POLN: variants seen among roughly 807,000 people sequenced by gnomAD.
The protein encoded by POLN is DNA polymerase N.
POLN carries 108 observed loss-of-function variants against 113.5 expected under a neutral mutation model. The observed-to-expected ratio is 0.95, with a 90% CI of 0.81 to 1.12. The LOEUF (loss-of-function observed/expected upper bound fraction) is 1.12. Among genes scored for constraint, POLN ranks in the 50% most tolerant of loss-of-function variants. The pLI is 0.00. For synonymous variants in POLN, 386 were observed against 391.5 expected, an observed-to-expected ratio of 0.99 and a Z score of 0.17; for missense variants, 1,097 against 1,077.1, an observed-to-expected ratio of 1.02 and a Z score of -0.26.
intron 3 of POLN, among the ~76,000 whole-genome samples, chr4:2,218,048 G>A (rs979412159): frequency 6.6e-5 from 10 of 152,072 alleles, no homozygotes; most frequent in Non-Finnish European, 1.0e-4. Context: ...CCAGCTACTC[G>A]GGAGACTGAA....
chr4:2,154,448 T>C (rs1732374349), intron 16 of POLN, among the ~76,000 whole-genome samples: 1 of 152,074 alleles, frequency 6.6e-6, no homozygotes, highest in Non-Finnish European at 1.5e-5. Context: ...CCTCAACAAA[T>C]ATTTAAAGAA....
intron 20 of POLN, among the ~76,000 whole-genome samples, chr4:2,092,047 C>G (rs2108697315): frequency 6.6e-6 from 1 of 152,322 alleles, no homozygotes; most frequent in Admixed American, 6.5e-5. Context: ...TCTGGGCCAG[C>G]TCCTGGACTC....
intron 13 of POLN, among the ~76,000 whole-genome samples, chr4:2,168,639 A>C (rs1443512464): frequency 6.6e-6 from 1 of 152,246 alleles, no homozygotes; most frequent in Non-Finnish European, 1.5e-5. Context: ...GAAGGGCAAC[A>C]GTGCCAGCTG....
chr4:2,215,253 C>T (rs1321552615), intron 3 of POLN, among the ~76,000 whole-genome samples: 3 of 152,138 alleles, frequency 2.0e-5, no homozygotes, highest in Non-Finnish European at 2.9e-5. Flanking sequence ...GGGAAAATGA[C>T]TCCAGCTATA....
chr4:2,094,269 G>T (rs1268003053), intron 20 of POLN, among the ~76,000 whole-genome samples: 1 of 149,556 alleles, frequency 6.7e-6, no homozygotes, highest in East Asian at 2.0e-4. Flanking sequence ...CTTGAGCCCA[G>T]GAGTTGGAGG....
At chr4:2,156,572 G>GC (rs1732438951) in intron 16 of POLN, 4 of 639,966 alleles carry the variant, frequency 6.3e-6, no homozygotes, top group African/African-American at 1.8e-5. Context: ...TGGGTGTGAA[G>GC]CCCCCCTCTT....
chr4:2,098,520 T>C (rs1379545759), intron 19 of POLN, among the ~76,000 whole-genome samples: 1 of 152,234 alleles, frequency 6.6e-6, no homozygotes, highest in Non-Finnish European at 1.5e-5. Context: ...TAAGTTTAGA[T>C]TGATGCCAGG....
chr4:2,137,988 G>A (rs780245991), intron 16 of POLN, among the ~76,000 whole-genome samples: 3 of 152,062 alleles, frequency 2.0e-5, no homozygotes, highest in Admixed American at 6.6e-5. Context: ...ATAGGTGTAC[G>A]CCACCACGCC....
At chr4:2,138,809 C>T (rs1183735279) in intron 16 of POLN, among the ~76,000 whole-genome samples, 2 of 151,828 alleles carry the variant, frequency 1.3e-5, no homozygotes, top group African/African-American at 4.8e-5. Flanking sequence ...GGCTGAGCTA[C>T]TCTGAACCCG....
rs570619051 is a variant in POLN, at chr4:2,195,983, G to A, written c.908+2541C>T. On this transcript the variant is annotated intron_variant, in intron 6 of 25. Coordinates refer to ENST00000511885, the MANE Select transcript of POLN (RefSeq NM_181808.4). ...GGGAGAAGTTTATAAGGAAGGGATC[G>A]TGTTGACACCACCTGAACCCACTGC... 8.5e-5 allele frequency among the ~76,000 whole-genome samples: 13 copies of A among 152,174 alleles called. No homozygotes were observed. The South Asian group carries it at 1.9e-3, about 22-fold the overall frequency.
At chr4:2,234,129 C>T (rs895807589) in intron 2 of POLN, 1 of 152,102 alleles carries the variant, frequency 6.6e-6, no homozygotes, top group Non-Finnish European at 1.5e-5. Flanking sequence ...GTAATTAAAT[C>T]AAGACAGTAT....
chr4:2,097,913 G>A (rs1177360815), intron 19 of POLN, among the ~76,000 whole-genome samples: 1 of 152,220 alleles, frequency 6.6e-6, no homozygotes, highest in Non-Finnish European at 1.5e-5. Flanking sequence ...ATTTTTCAAT[G>A]TTTCTTTGGG....
Position 2,108,286 on chromosome 4 carries a change from G to C in POLN, c.1983-12353C>G, listed in dbSNP as rs116546974. ...GGAAGGCAGCCGCTTGCTCTTGCTG[G>C]ACAACTGTGCCCCCTCAGGCACATT... On this transcript the variant is annotated intron_variant, in intron 19 of 25. Coordinates refer to ENST00000511885, the MANE Select transcript of POLN (RefSeq NM_181808.4). 6.6e-3 allele frequency among the ~76,000 whole-genome samples: 1,010 copies of C among 152,258 alleles called. 19 individuals are homozygous for C. Among genetic ancestry groups the C allele is most frequent in the African/African-American group, 0.023 (942 of 41,528 alleles).
rs144173601 is a variant in POLN, at chr4:2,240,105, G to A, written c.-13+1415C>T. On this transcript the variant is annotated intron_variant, in intron 2 of 25. Transcript: ENST00000511885. ...ACTTGACTTCATGCTCGAATTACTT[G>A]CTTTTAAGTGAATTAACTGATGTTG... 6 of 1,613,784 alleles carry A rather than the reference G, an allele frequency of 3.7e-6. No individual in the cohort carries two copies. The African/African-American group carries it at 6.7e-5, about 18-fold the overall frequency.
At chr4:2,111,286 C>A (rs1372291006) in intron 19 of POLN, among the ~76,000 whole-genome samples, 1 of 152,060 alleles carries the variant, frequency 6.6e-6, no homozygotes, top group South Asian at 2.1e-4. Flanking sequence ...CAATATCATA[C>A]TGAATGGACA....
At chr4:2,149,809 C>T (rs1306536099) in intron 16 of POLN, among the ~76,000 whole-genome samples, 2 of 151,322 alleles carry the variant, frequency 1.3e-5, no homozygotes, top group African/African-American at 2.4e-5. Flanking sequence ...GAGGGCCGGG[C>T]GCGTTGACTC....
chr4:2,229,186 G>C lies in POLN; in HGVS notation c.46C>G (p.Pro16Ala), dbSNP rs373878149. ...ALVGFDLCNT[P>A]LSSVAQKIMS... Reference sequence around the variant, plus strand: ...ATCTTCTGAGCAACACTGGAGAGCGGTGTATTACAGAGATCAAAGCCTACC... The same window carrying C: ...ATCTTCTGAGCAACACTGGAGAGCGCTGTATTACAGAGATCAAAGCCTACC... The change falls in exon 3 of 26, where the codon CCG (proline) becomes GCG (alanine). Residue 16 changes from proline (P) to alanine (A), a missense_variant. Pro to Ala is a conservative substitution (Grantham distance 27). Transcript: ENST00000511885. 6.2e-7 allele frequency: 1 copy of C among 1,610,108 alleles called. No homozygotes were observed. Among genetic ancestry groups the C allele is most frequent in the Non-Finnish European group, 8.5e-7 (1 of 1,177,138 alleles).
intron 8 of POLN, 43 bp from the exon 9 acceptor site, chr4:2,176,377 G>A (rs749141559): frequency 1.4e-6 from 2 of 1,457,708 alleles, no homozygotes; most frequent in Admixed American, 4.0e-5. Flanking sequence ...GATAAACTTG[G>A]TGGCAGTGCT....
chr4:2,147,153 C>T (rs1732163970), intron 16 of POLN, among the ~76,000 whole-genome samples: 1 of 152,088 alleles, frequency 6.6e-6, no homozygotes, highest in African/African-American at 2.4e-5. Flanking sequence ...TGTGAAAGAT[C>T]AGATATTTTG....
Sources: gnomAD v4.1 joint callset for allele counts (sites outside exome capture counted in the v4.1 genomes callset) on GRCh38, gnomAD v4.1.1 for gene constraint, MANE v1.5 for transcripts, NCBI Gene and HGNC (gene_info 2026-07-23, HGNC 2026-07-21) for gene names.